Variants in OTOF observed in about 807,000 individuals in gnomAD.
OTOF encodes the protein fer-1-like family member 2.
Under a neutral mutation model 236.8 loss-of-function variants are expected in OTOF, and 218 were observed. The ratio of observed to expected loss-of-function variants is 0.92; its 90% CI spans 0.82 to 1.03. The LOEUF is 1.03. Among genes scored for constraint, OTOF ranks in the 50% least tolerant of loss-of-function variants. The pLI is 0.00. For synonymous variants in OTOF, 1,041 were observed against 1,072.5 expected (o/e 0.97, Z 0.57); for missense variants, 2,590 against 2,694.4 (o/e 0.96, Z 0.86).
At chr2:26,508,938 T>C (rs186342011) in intron 5 of OTOF, among the ~76,000 whole-genome samples, 1 of 152,244 alleles carries the variant, frequency 6.6e-6, no homozygotes, top group Non-Finnish European at 1.5e-5. Context: ...CAATACTATA[T>C]GCCAGTTTAC....
chr2:26,541,368 G>A (rs1006481424), intron 1 of OTOF, among the ~76,000 whole-genome samples: 33 of 152,136 alleles, frequency 2.2e-4, no homozygotes, highest in African/African-American at 7.7e-4. Flanking sequence ...TTTAGGCCCT[G>A]GGGATTTAGA....
chr2:26,472,406 C>T, intron 30 of OTOF, 113 bp downstream of exon 30: 1 of 1,358,152 alleles, frequency 7.4e-7, no homozygotes, highest in Non-Finnish European at 1.1e-6. Flanking sequence ...AGTCACATGC[C>T]AAAGGAGGCT....
Position 26,461,807 on chromosome 2 carries a change from TGAC to T in OTOF, c.5419_5421del (p.Val1807del). On this transcript the variant is annotated inframe_deletion, in exon 43 of 47. Coordinates refer to ENST00000272371, the MANE Select transcript of OTOF (RefSeq NM_194248.3). The surrounding 1 kb of genome is among the most constrained non-coding windows in gnomAD (Gnocchi z 6.2). Reference sequence around the variant, plus strand: ...GAGAACATGGACTCCTTCTTGGAGATGACGATCTTCTCCTCCGCCGCCAGGTAG... The same window carrying T: ...GAGAACATGGACTCCTTCTTGGAGATGATCTTCTCCTCCGCCGCCAGGTAG... The T allele has an allele frequency of 6.2e-7, 1 of 1,614,176 alleles. No homozygotes were observed. The highest frequency in any genetic ancestry group is 8.5e-7 in the Non-Finnish European group (1 of 1,180,024).
intron 2 of OTOF, among the ~76,000 whole-genome samples, chr2:26,531,046 A>C (rs1666934549): frequency 6.6e-6 from 1 of 152,142 alleles, no homozygotes; most frequent in Admixed American, 6.5e-5. Flanking sequence ...AAAACTTTTC[A>C]GTGGCTCCTC....
chr2:26,495,124 G>T (rs1022913827), intron 8 of OTOF, 51 bp from the exon 9 acceptor site: 1 of 1,609,568 alleles, frequency 6.2e-7, no homozygotes, highest in South Asian at 1.1e-5. Context: ...GAGCCTAGGA[G>T]CCTGGTCCCG....
At chr2:26,537,177 C>G (rs796759388) in intron 2 of OTOF, among the ~76,000 whole-genome samples, 1 of 152,220 alleles carries the variant, frequency 6.6e-6, no homozygotes, top group Non-Finnish European at 1.5e-5. Context: ...AAAATCCAGA[C>G]TGTCTTCTGT....
chr2:26,479,599 C>G lies in OTOF; in HGVS notation c.1967G>C (p.Arg656Pro). The change falls in exon 17 of 47, where the codon CGG becomes CCG. Residue 656 changes from arginine to proline, a missense_variant. Coordinates refer to ENST00000272371, the MANE Select transcript of OTOF (RefSeq NM_194248.3). ...GLSRPQRPRP[R>P]KEPGDEEEVD... Reference sequence around the variant, plus strand: ...TTCTTCCTCATCCCCCGGCTCCTTCCGGGGCCGAGGCCGCTGGGGCCGGGA... The same window carrying G: ...TTCTTCCTCATCCCCCGGCTCCTTCGGGGGCCGAGGCCGCTGGGGCCGGGA... 6.2e-7 allele frequency: 1 copy of G among 1,612,610 alleles called. No individual in the cohort carries two copies.
chr2:26,537,204 C>G (rs138171481), intron 2 of OTOF, among the ~76,000 whole-genome samples: 38 of 152,338 alleles, frequency 2.5e-4, no homozygotes, highest in African/African-American at 7.7e-4. Flanking sequence ...TGCTTCCCCT[C>G]AAGGTCTGGA....
intron 1 of OTOF, among the ~76,000 whole-genome samples, chr2:26,546,493 G>A (rs888401762): frequency 3.2e-4 from 48 of 151,054 alleles, no homozygotes; most frequent in South Asian, 6.3e-4. Flanking sequence ...CCACATATAA[G>A]TGGACCCATG....
chr2:26,483,054 T>G (rs1362445772), intron 13 of OTOF, among the ~76,000 whole-genome samples: 3 of 149,464 alleles, frequency 2.0e-5, no homozygotes, highest in Non-Finnish European at 3.0e-5. Flanking sequence ...TGTGTGCATG[T>G]GTGAGTGGGT....
chr2:26,467,064 G>T, intron 35 of OTOF, 35 bp downstream of exon 35: 1 of 1,609,808 alleles, frequency 6.2e-7, no homozygotes, highest in South Asian at 1.1e-5. Context: ...AAGGGCTGGC[G>T]GGTGCTCAGG....
chr2:26,518,689 G>A (rs1384651367), intron 4 of OTOF, among the ~76,000 whole-genome samples: 1 of 152,278 alleles, frequency 6.6e-6, no homozygotes, highest in Non-Finnish European at 1.5e-5. Context: ...GCAGGGCTCA[G>A]TCTGGCCTTT....
Position 26,473,665 on chromosome 2 carries a change from G to A in OTOF, c.3409-98C>T, listed in dbSNP as rs1255177448. Reference sequence around the variant, plus strand: ...ACCATCCAATAGGGAACCGGGCAGTGGGATGGGCAGTAGTTCACCCCAGAT... The same window carrying A: ...ACCATCCAATAGGGAACCGGGCAGTAGGATGGGCAGTAGTTCACCCCAGAT... On this transcript the variant is annotated intron_variant, in intron 27 of 46. Coordinates refer to ENST00000272371, the MANE Select transcript of OTOF (RefSeq NM_194248.3). This position sits in a 1 kb window ranked among gnomAD's most constrained non-coding sequence, Gnocchi z 7.2. The A allele has an allele frequency of 1.6e-6, 2 of 1,248,808 alleles. No individual in the cohort carries two copies. The highest frequency in any genetic ancestry group is 3.0e-5 in the African/African-American group (2 of 67,188). 77.4% of individuals were successfully genotyped at this position (1,248,808 alleles called of 1,614,324 possible).
At position 26,461,913 on chromosome 2, in the gene OTOF, GTCC is replaced by G. The variant is rs769526384; in HGVS notation, c.5313_5315del (p.Glu1771del). 6.2e-7 allele frequency: 1 copy of G among 1,614,122 alleles called. No individual in the cohort carries two copies. Among genetic ancestry groups the G allele is most frequent in the Admixed American group, 1.7e-5 (1 of 60,028 alleles). On this transcript the variant is annotated inframe_deletion, in exon 43 of 47. Coordinates refer to ENST00000272371, the MANE Select transcript of OTOF (RefSeq NM_194248.3). The surrounding 1 kb of genome is among the most constrained non-coding windows in gnomAD (Gnocchi z 6.2). ...GGTAGTGGACGTCTGTGTCCTGCTT[GTCC>G]TCCTGCTGGCCCTTCAGCCACCTGT... is the stretch of plus-strand genomic sequence containing the variant.
At position 26,498,421 on chromosome 2, in the gene OTOF, C is replaced by T. The variant is rs532367107; in HGVS notation, c.765+3333G>A. ...GAATGCCATTCCTGCTGCCTCCCAC[C>T]CCTCCTGGGGCTCTAGGAAGGGGAA... On this transcript the variant is annotated intron_variant, in intron 8 of 46. Coordinates refer to ENST00000272371, the MANE Select transcript of OTOF (RefSeq NM_194248.3). Among the ~76,000 whole-genome samples the T allele has an allele frequency of 2.0e-5, 3 of 152,278 alleles. No homozygotes were observed. In the East Asian group the frequency reaches 5.8e-4, roughly 29 times the overall value.
intron 11 of OTOF, among the ~76,000 whole-genome samples, chr2:26,487,004 A>G (rs867204427): frequency 7.9e-5 from 12 of 152,270 alleles, no homozygotes; most frequent in African/African-American, 2.4e-4. Context: ...GACTTCCTCT[A>G]TGATCTATGA....
At chr2:26,538,839 C>T (rs1272782546) in intron 1 of OTOF, among the ~76,000 whole-genome samples, 2 of 132,970 alleles carry the variant, frequency 1.5e-5, no homozygotes, top group African/African-American at 5.3e-5. Flanking sequence ...TTTTGAGATG[C>T]AGTCTTGCTC....
At chr2:26,546,889 A>T (rs1039321335) in intron 1 of OTOF, among the ~76,000 whole-genome samples, 1 of 152,062 alleles carries the variant, frequency 6.6e-6, no homozygotes, top group African/African-American at 2.4e-5. Context: ...CATTAATTGT[A>T]GTAGCTTTTT....
intron 1 of OTOF, among the ~76,000 whole-genome samples, chr2:26,546,280 G>A (rs560157519): frequency 6.6e-6 from 1 of 152,202 alleles, no homozygotes; most frequent in South Asian, 2.1e-4. Context: ...GACCAACATG[G>A]TGAAACCTCG....
Sources: gnomAD v4.1 joint callset for allele counts (sites outside exome capture counted in the v4.1 genomes callset) on GRCh38, gnomAD v4.1.1 for gene constraint, Gnocchi (gnomAD v3.1) non-coding constraint, MANE v1.5 for transcripts, NCBI Gene and HGNC (gene_info 2026-07-23, HGNC 2026-07-21) for gene names.